The following LRCH2 variants were observed in gnomAD, a reference collection of about 807,000 sequenced individuals.
The protein encoded by LRCH2 is leucine rich repeats and calponin homology domain containing 2, also known as leucine-rich repeat and calponin homology domain-containing protein 2.
Under a neutral mutation model 68.9 loss-of-function variants are expected in LRCH2, and 38 were observed. The observed-to-expected ratio is 0.55, with a 90% CI of 0.43 to 0.72. LRCH2 has a LOEUF of 0.72. Among genes scored for constraint, LRCH2 ranks in the 30% least tolerant of loss-of-function variants. The pLI, the probability that LRCH2 is intolerant of heterozygous loss-of-function variation, is 0.00. For synonymous variants in LRCH2, 191 were observed against 208.1 expected (o/e 0.92, Z 0.71); for missense variants, 528 against 572.9 (o/e 0.92, Z 0.80).
chrX:115,149,928 T>C lies in LRCH2; in HGVS notation c.1594A>G (p.Lys532Glu). The part of the protein sequence containing the change: ...PLTWQPLENQ[K>E]DQIDEQPWPE... The stretch of plus-strand genomic sequence containing the variant: ...CACGGTTGTTCATCTATTTGATCCT[T>C]CTGATTTTCTAAGGGCTATAATGAG... The change falls in exon 14 of 21, where the codon AAG becomes GAG. Residue 532 changes from lysine (K) to glutamate (E), a missense_variant. Coordinates refer to ENST00000317135, the MANE Select transcript of LRCH2 (RefSeq NM_020871.4). 8.4e-7 allele frequency: 1 copy of C among 1,194,654 alleles called. No individual in the cohort carries two copies. The highest frequency in any genetic ancestry group is 1.1e-6 in the Non-Finnish European group (1 of 883,849).
At chrX:115,147,375 AAAC>A (rs1306067825) in intron 14 of LRCH2, among the ~76,000 whole-genome samples, 1 of 111,533 alleles carries the variant, frequency 9.0e-6, no homozygotes. Context: ...TTAGGAAAAA[AAAC>A]TAGTGACATA....
chrX:115,181,371 A>T (rs1556552628), intron 3 of LRCH2, among the ~76,000 whole-genome samples: 1 of 112,575 alleles, frequency 8.9e-6, no homozygotes, highest in Non-Finnish European at 1.9e-5. Flanking sequence ...AACGATGGAT[A>T]ATAGAAGTTT....
At chrX:115,147,150 GTAGTGTA>G (rs2147369475) in intron 14 of LRCH2, among the ~76,000 whole-genome samples, 1 of 111,520 alleles carries the variant, frequency 9.0e-6, no homozygotes, top group African/African-American at 3.2e-5. Flanking sequence ...AACCTCAAGT[GTAGTGTA>G]TTTTACTGTT....
intron 14 of LRCH2, among the ~76,000 whole-genome samples, chrX:115,139,545 G>A (rs1272338419): frequency 3.6e-5 from 4 of 111,776 alleles, no homozygotes; most frequent in Non-Finnish European, 7.5e-5. Context: ...ACTTTGGGAG[G>A]CCTGGGCAGG....
In LRCH2 at chrX:115,163,685, T is replaced by C; in HGVS notation, c.1454A>G (p.Gln485Arg). 10 of 1,187,560 alleles carry C rather than the reference T, an allele frequency of 8.4e-6. No individual in the cohort carries two copies. The highest frequency in any genetic ancestry group is 1.1e-5 in the Non-Finnish European group (10 of 879,419). ...TTACTGAAAGGAATACCTGTTCTTC[T>C]GTTCTTGCTGCAATAACTGAGCAGC... ...KIAAQLLQQE[Q>R]KNRILNHSTS... is the part of the protein sequence containing the mutation. The change falls in exon 11 of 21, where the codon CAG becomes CGG. Residue 485 changes from glutamine (Q) to arginine (R), a missense_variant. Transcript: ENST00000317135.
chrX:115,225,388 A>G (rs1281615850), intron 1 of LRCH2, among the ~76,000 whole-genome samples: 1 of 111,287 alleles, frequency 9.0e-6, no homozygotes, highest in Non-Finnish European at 1.9e-5. Flanking sequence ...AACATAGGTA[A>G]GGATGGATCT....
chrX:115,133,249 G>A (rs1556530875), intron 14 of LRCH2, among the ~76,000 whole-genome samples: 2 of 112,061 alleles, frequency 1.8e-5, no homozygotes, highest in Admixed American at 1.9e-4. Flanking sequence ...AAAGAATCAA[G>A]AGCTACTGAA....
intron 1 of LRCH2, among the ~76,000 whole-genome samples, chrX:115,213,511 G>A (rs1463424077): frequency 5.4e-5 from 6 of 111,271 alleles, no homozygotes; most frequent in African/African-American, 2.0e-4. Flanking sequence ...CTAAGCATGA[G>A]ATGTTAGGGT....
chrX:115,129,954 C>T (rs2072228868), intron 15 of LRCH2, among the ~76,000 whole-genome samples: 1 of 110,249 alleles, frequency 9.1e-6, no homozygotes, highest in African/African-American at 3.3e-5. Flanking sequence ...ATTAGTAATT[C>T]CATTCTAAAG....
intron 2 of LRCH2, among the ~76,000 whole-genome samples, chrX:115,185,405 C>T (rs1289190084): frequency 8.9e-6 from 1 of 111,824 alleles, no homozygotes; most frequent in Non-Finnish European, 1.9e-5. Flanking sequence ...GGGGTCTTTG[C>T]CCTCAAAGTA....
At chrX:115,161,780 G>A (rs2072520645) in intron 11 of LRCH2, among the ~76,000 whole-genome samples, 1 of 110,874 alleles carries the variant, frequency 9.0e-6, no homozygotes, top group South Asian at 3.8e-4. Context: ...AGGCTAGAAA[G>A]AATAATTTAA....
Position 115,113,264 on chromosome X carries a change from C to A in LRCH2, c.2250G>T (p.Ala750=). The part of the protein sequence containing the change: ...GLVKVGVTVQ[A]LLELPTTKAS... Reference sequence around the variant, plus strand: ...CCTTGGTTGTTGGTAATTCAAGGAGCGCCTGAACTGTGACACCAACTTTCA... The same window carrying A: ...CCTTGGTTGTTGGTAATTCAAGGAGAGCCTGAACTGTGACACCAACTTTCA... Residue 750 remains alanine (A), a synonymous_variant, in exon 21 of 21, where the codon GCG becomes GCT. Coordinates refer to ENST00000317135, the MANE Select transcript of LRCH2 (RefSeq NM_020871.4). 8.4e-7 allele frequency: 1 copy of A among 1,196,288 alleles called. No homozygotes were observed. The highest frequency in any genetic ancestry group is 2.3e-4 in the Middle Eastern group (1 of 4,292).
chrX:115,186,744 G>A (rs952694708), intron 2 of LRCH2, among the ~76,000 whole-genome samples: 1 of 108,486 alleles, frequency 9.2e-6, no homozygotes. Flanking sequence ...AGGCCAAGGA[G>A]ATTTATACCT....
intron 14 of LRCH2, among the ~76,000 whole-genome samples, chrX:115,131,460 A>G: frequency 9.0e-6 from 1 of 111,467 alleles, no homozygotes; most frequent in Non-Finnish European, 1.9e-5. Context: ...GCTGCAGAGT[A>G]TTCCATGGAA....
chrX:115,190,066 C>T (rs2072775098), intron 1 of LRCH2: 4 of 1,152,963 alleles, frequency 3.5e-6, no homozygotes, highest in Non-Finnish European at 3.5e-6. Context: ...GAGGGCTGTG[C>T]CCCGGTCAAG....
Position 115,190,276 on chromosome X carries a change from G to A in LRCH2, c.350-1906C>T, listed in dbSNP as rs782702351. 56 of 1,151,201 alleles carry A rather than the reference G, an allele frequency of 4.9e-5. No individual in the cohort carries two copies. Among genetic ancestry groups the A allele is most frequent in the South Asian group, 3.9e-4 (20 of 50,740 alleles). The allele number at this position is 1,151,201 out of a possible 1,213,427, so 94.9% of individuals were successfully genotyped here. A position where few individuals can be genotyped will look rare whatever the true frequency, so the allele number is the denominator to read the frequency against. The stretch of plus-strand genomic sequence containing the variant: ...GGACTACCGTCCCTTGAGAGGCGAC[G>A]GCAACCAAAATGGCTACAGGGGTCG... On this transcript the variant is annotated intron_variant, in intron 1 of 20. Transcript: ENST00000317135.
chrX:115,215,527 A>G (rs1556571231), intron 1 of LRCH2, among the ~76,000 whole-genome samples: 1 of 110,406 alleles, frequency 9.1e-6, no homozygotes, highest in African/African-American at 3.3e-5. Flanking sequence ...CCGGAGGATC[A>G]CTTGAGGTCA....
At chrX:115,194,288 A>T (rs1556562511) in intron 1 of LRCH2, among the ~76,000 whole-genome samples, 1 of 111,940 alleles carries the variant, frequency 8.9e-6, no homozygotes, top group African/African-American at 3.2e-5. Context: ...CTAAAAAAAC[A>T]ATAGAATTAC....
At chrX:115,115,136 A>G (rs2072071770) in intron 20 of LRCH2, among the ~76,000 whole-genome samples, 2 of 110,872 alleles carry the variant, frequency 1.8e-5, no homozygotes, top group African/African-American at 6.5e-5. Flanking sequence ...ATATTCCCCA[A>G]ATCATTTTAG....
Sources: gnomAD v4.1 joint callset for allele counts (sites outside exome capture counted in the v4.1 genomes callset) on GRCh38, gnomAD v4.1.1 for gene constraint, MANE v1.5 for transcripts, NCBI Gene and HGNC (gene_info 2026-07-23, HGNC 2026-07-21) for gene names.